The following IL1RAPL1 variants were observed in gnomAD, a reference collection of about 807,000 sequenced individuals.
The protein encoded by IL1RAPL1 is interleukin 1 receptor accessory protein like 1, also known as interleukin-1 receptor accessory protein-like 1.
In IL1RAPL1, 3 loss-of-function variants were observed where a neutral mutation model predicts 48.4. The ratio of observed to expected loss-of-function variants is 0.06; its 90% CI spans 0.03 to 0.16. The LOEUF is 0.16. IL1RAPL1 is among the 10% of genes least tolerant of loss of function. The pLI is 1.00. For synonymous variants in IL1RAPL1, 185 were observed against 187.7 expected (o/e 0.99, Z 0.12); for missense variants, 349 against 530.6 (o/e 0.66, Z 3.36).
intron 6 of IL1RAPL1, among the ~76,000 whole-genome samples, chrX:29,892,582 T>A (rs1932293074): frequency 8.9e-6 from 1 of 112,430 alleles, no homozygotes; most frequent in Non-Finnish European, 1.9e-5. Flanking sequence ...TTTGGCAACT[T>A]GGGAAGATGA....
Position 29,297,301 on chromosome X carries a change from ATAAGGTAGGCATTC to A in IL1RAPL1, c.362+14085_362+14098del, listed in dbSNP as rs754262999. Among the ~76,000 whole-genome samples, 526 of 112,824 alleles carry A rather than the reference ATAAGGTAGGCATTC, an allele frequency of 4.7e-3. 2 individuals are homozygous for A. Among genetic ancestry groups the A allele is most frequent in the African/African-American group, 0.016 (506 of 31,148 alleles). On this transcript the variant is annotated intron_variant, in intron 3 of 10. Coordinates refer to ENST00000378993, the MANE Select transcript of IL1RAPL1 (RefSeq NM_014271.4). ...GTTTAGTTTCTCACGTAAAGTAGTTATAAGGTAGGCATTCCTGGACTTTTATGATAATTTCAACG... is the reference window on the plus strand; with the variant it reads ...GTTTAGTTTCTCACGTAAAGTAGTTACTGGACTTTTATGATAATTTCAACG...
rs148674095 is a variant in IL1RAPL1 at position 29,723,727 on chromosome X, A to C, written c.778+55223A>C. On this transcript the variant is annotated intron_variant, in intron 6 of 10. Coordinates refer to ENST00000378993, the MANE Select transcript of IL1RAPL1 (RefSeq NM_014271.4). ...ATACTTTATCTTCCAACAAGTGGTAAGTAATGAAGTAGATAAACTTCGTTG... is the reference window on the plus strand; with the variant it reads ...ATACTTTATCTTCCAACAAGTGGTACGTAATGAAGTAGATAAACTTCGTTG... Among the ~76,000 whole-genome samples the C allele has an allele frequency of 6.8e-3, 763 of 112,466 alleles. 7 individuals are homozygous for C. Among genetic ancestry groups the C allele is most frequent in the African/African-American group, 0.024 (733 of 30,987 alleles).
intron 5 of IL1RAPL1, among the ~76,000 whole-genome samples, chrX:29,659,172 A>G (rs1228961405): frequency 8.9e-6 from 1 of 112,325 alleles, no homozygotes. Context: ...TAACCAATAC[A>G]GAATGGAACT....
intron 5 of IL1RAPL1, among the ~76,000 whole-genome samples, chrX:29,404,786 GGCATTTCTTGCAA>G (rs1934034715): frequency 9.0e-6 from 1 of 111,435 alleles, no homozygotes; most frequent in Non-Finnish European, 1.9e-5. Context: ...AACTTCCTTT[GGCATTTCTTGCAA>G]TGAAGGTCCA....
At chrX:29,138,447 A>T (rs746345530) in intron 2 of IL1RAPL1, among the ~76,000 whole-genome samples, 126 of 111,444 alleles carry the variant, frequency 1.1e-3, no homozygotes, top group Non-Finnish European at 2.1e-3. Context: ...TTCATACAGT[A>T]ACTCAATAAT....
intron 6 of IL1RAPL1, among the ~76,000 whole-genome samples, chrX:29,728,587 G>T (rs747477277): frequency 2.8e-4 from 31 of 112,287 alleles, no homozygotes; most frequent in Non-Finnish European, 5.4e-4. Context: ...TCTCACTGAA[G>T]CCTCACAACC....
intron 5 of IL1RAPL1, among the ~76,000 whole-genome samples, chrX:29,543,591 CATAT>C (rs34182954): frequency 8.5e-5 from 9 of 105,822 alleles, no homozygotes; most frequent in African/African-American, 2.1e-4. Context: ...AAACAAAAGA[CATAT>C]ATATATATAT....
At chrX:28,928,517 C>T (rs1337882583) in intron 2 of IL1RAPL1, among the ~76,000 whole-genome samples, 2 of 111,902 alleles carry the variant, frequency 1.8e-5, no homozygotes, top group South Asian at 3.7e-4. Flanking sequence ...TTTTACCCCA[C>T]GTCATTCCCT....
At chrX:29,388,106 C>CAAAA (rs71862742) in intron 3 of IL1RAPL1, among the ~76,000 whole-genome samples, 1,657 of 50,280 alleles carry the variant, frequency 0.033, 16 homozygotes, top group Admixed American at 0.046. Flanking sequence ...AAGGTTAAGC[C>CAAAA]AAAAAAAAAA....
chrX:29,862,663 T>A (rs1173059933), intron 6 of IL1RAPL1, among the ~76,000 whole-genome samples: 2 of 111,597 alleles, frequency 1.8e-5, no homozygotes, highest in African/African-American at 3.3e-5. Context: ...TATTATTATT[T>A]TTTTTCTTTT....
At chrX:28,673,299 A>G (rs1385193298) in intron 1 of IL1RAPL1, among the ~76,000 whole-genome samples, 1 of 112,141 alleles carries the variant, frequency 8.9e-6, no homozygotes, top group African/African-American at 3.2e-5. Context: ...CCACATGCAG[A>G]AGATTGAAAC....
At chrX:29,335,921 T>C (rs748206895) in intron 3 of IL1RAPL1, among the ~76,000 whole-genome samples, 15 of 110,543 alleles carry the variant, frequency 1.4e-4, no homozygotes, top group African/African-American at 4.9e-4. Context: ...GTATCCTTGA[T>C]TGTGTTGTAT....
At chrX:29,469,731 G>A (rs1934901901) in intron 5 of IL1RAPL1, among the ~76,000 whole-genome samples, 1 of 111,738 alleles carries the variant, frequency 8.9e-6, no homozygotes, top group South Asian at 3.7e-4. Context: ...ACTCTCTTGA[G>A]ATCTTAGCAA....
At chrX:28,968,243 G>A (rs778128961) in intron 2 of IL1RAPL1, among the ~76,000 whole-genome samples, 5 of 111,381 alleles carry the variant, frequency 4.5e-5, no homozygotes, top group Non-Finnish European at 5.7e-5. Context: ...CATTAGTTCC[G>A]TAGCCATTAG....
chrX:29,906,662 TC>T (rs1932639378), intron 6 of IL1RAPL1, among the ~76,000 whole-genome samples: 1 of 105,697 alleles, frequency 9.5e-6, no homozygotes, highest in Non-Finnish European at 1.9e-5. Context: ...TGTCCTTGCT[TC>T]CTGCTTACAG....
At chrX:28,621,550 C>T (rs1435078976) in intron 1 of IL1RAPL1, among the ~76,000 whole-genome samples, 2 of 111,777 alleles carry the variant, frequency 1.8e-5, no homozygotes, top group Non-Finnish European at 3.8e-5. Context: ...TTGGAGACCG[C>T]ATTCTTTTGC....
At chrX:29,830,011 G>T (rs914413604) in intron 6 of IL1RAPL1, among the ~76,000 whole-genome samples, 7 of 111,925 alleles carry the variant, frequency 6.3e-5, no homozygotes, top group Non-Finnish European at 1.3e-4. Context: ...GTATAAAAAG[G>T]CTTGCTGCAA....
In IL1RAPL1 at chrX:28,701,818, C is replaced by T. The variant is rs952569498; in HGVS notation, c.-24-87502C>T. Among the ~76,000 whole-genome samples, 8 of 110,356 alleles carry T rather than the reference C, an allele frequency of 7.2e-5. No homozygotes were observed. In the South Asian group the frequency reaches 1.5e-3, roughly 21 times the overall value. ...TACAGAAAAGTTATACAGCAGAAAA[C>T]GTAGGAGGGTAATTTAAATGAGGTT... On this transcript the variant is annotated intron_variant, in intron 1 of 10. Coordinates refer to ENST00000378993, the MANE Select transcript of IL1RAPL1 (RefSeq NM_014271.4).
chrX:28,971,526 A>G (rs891455399), intron 2 of IL1RAPL1, among the ~76,000 whole-genome samples: 5 of 112,007 alleles, frequency 4.5e-5, no homozygotes, highest in Non-Finnish European at 9.4e-5. Context: ...AGGCACCATG[A>G]TATCATTAGC....
Sources: allele counts gnomAD v4.1 joint callset (sites outside exome capture counted in the v4.1 genomes callset), GRCh38; gene constraint gnomAD v4.1.1; transcripts MANE v1.5; gene names NCBI Gene and HGNC (gene_info 2026-07-23, HGNC 2026-07-21).